Variants in GUCA1C observed in about 807,000 individuals in gnomAD.
GUCA1C encodes the protein guanylate cyclase activator 1C.
GUCA1C carries 15 observed loss-of-function variants against 16.2 expected under a neutral mutation model. That is an observed-to-expected ratio of 0.93 (90% CI 0.62 to 1.43). The LOEUF is 1.43. Among genes scored for constraint, GUCA1C ranks in the 40% most tolerant of loss-of-function variants. The pLI is 0.00. For missense variants in GUCA1C, 275 were observed against 244.8 expected, an observed-to-expected ratio of 1.12 and a Z score of -0.82; for synonymous variants, 78 against 85.4, an observed-to-expected ratio of 0.91 and a Z score of 0.48.
At chr3:108,926,569 C>A (rs1418311406) in intron 1 of GUCA1C, among the ~76,000 whole-genome samples, 1 of 152,220 alleles carries the variant, frequency 6.6e-6, no homozygotes, top group African/African-American at 2.4e-5. Flanking sequence ...AAAGCTCTGC[C>A]TCCCGGGTTC....
At chr3:108,908,795 C>T (rs75348239) in intron 3 of GUCA1C, among the ~76,000 whole-genome samples, 5,259 of 152,268 alleles carry the variant, frequency 0.035, 300 homozygotes, top group African/African-American at 0.12. Flanking sequence ...GTAAATTTAT[C>T]GCCTTATATC....
intron 1 of GUCA1C, among the ~76,000 whole-genome samples, chr3:108,943,671 G>A (rs1331111354): frequency 6.6e-6 from 1 of 152,056 alleles, no homozygotes; most frequent in Non-Finnish European, 1.5e-5. Context: ...TATAAATTTA[G>A]TAGAAAACTA....
chr3:108,922,437 C>T (rs1946578560), intron 1 of GUCA1C, among the ~76,000 whole-genome samples: 1 of 152,138 alleles, frequency 6.6e-6, no homozygotes. Context: ...AGTAGTTGTA[C>T]TAGTTTACAT....
At chr3:108,935,327 C>A (rs1356202504) in intron 1 of GUCA1C, among the ~76,000 whole-genome samples, 4 of 151,556 alleles carry the variant, frequency 2.6e-5, no homozygotes, top group African/African-American at 7.3e-5. Context: ...AACCTGTACT[C>A]CTGAATTTAA....
At chr3:108,927,216 T>A (rs143684667) in intron 1 of GUCA1C, among the ~76,000 whole-genome samples, 2 of 152,194 alleles carry the variant, frequency 1.3e-5, no homozygotes, top group Non-Finnish European at 2.9e-5. Context: ...TAGGCAATGA[T>A]CTTTTTGTGA....
At position 108,953,709 on chromosome 3, in the gene GUCA1C, C is replaced by G. The variant is rs201708660; in HGVS notation, c.54G>C (p.Glu18Asp). Residue 18 changes from glutamate to aspartate, a missense_variant, in exon 1 of 4, where the codon GAG becomes GAC. Transcript: ENST00000261047. ...TAAATGTTCTGTACCACACATGGGTCTCTTGTGTAGGAACTGCTTTCTGAT... is the reference window on the plus strand; with the variant it reads ...TAAATGTTCTGTACCACACATGGGTGTCTTGTGTAGGAACTGCTTTCTGAT... ...AGDQKAVPTQ[E>D]THVWYRTFMM... The G allele has an allele frequency of 1.7e-5, 28 of 1,613,306 alleles. No homozygotes were observed. Among genetic ancestry groups the G allele is most frequent in the Non-Finnish European group, 2.2e-5 (26 of 1,179,414 alleles).
intron 2 of GUCA1C, among the ~76,000 whole-genome samples, chr3:108,918,659 CT>C (rs1212987605): frequency 1.3e-5 from 2 of 152,160 alleles, no homozygotes; most frequent in African/African-American, 4.8e-5. Flanking sequence ...TAACTATCTC[CT>C]TTGTAGAGCC....
At chr3:108,948,310 C>T (rs545895501) in intron 1 of GUCA1C, among the ~76,000 whole-genome samples, 1 of 152,220 alleles carries the variant, frequency 6.6e-6, no homozygotes, top group South Asian at 2.1e-4. Flanking sequence ...AGCACTTTCC[C>T]CTTCGCCCTC....
chr3:108,953,568 G>A lies in GUCA1C; in HGVS notation c.195C>T (p.Asp65=), dbSNP rs1378168957. The change falls in exon 1 of 4, where the codon GAC becomes GAT. Residue 65 remains aspartate (D), a synonymous_variant. Transcript: ENST00000261047. The part of the protein sequence containing the change: ...KHIDQVYNTF[D]TNKDGFVDFL... The stretch of plus-strand genomic sequence containing the variant: ...AAATGAAAGATCTTACCTTGTTCGT[G>A]TCAAAGGTATTATAAACTTGATCAA... The A allele has an allele frequency of 6.3e-7, 1 of 1,595,226 alleles. No homozygotes were observed. The highest frequency in any genetic ancestry group is 1.1e-5 in the South Asian group (1 of 90,626).
intron 1 of GUCA1C, among the ~76,000 whole-genome samples, chr3:108,932,011 C>T (rs1412945098): frequency 1.3e-5 from 2 of 151,730 alleles, no homozygotes; most frequent in Non-Finnish European, 2.9e-5. Context: ...CCACCACGCC[C>T]AGGTAATTTT....
chr3:108,916,129 T>G lies in GUCA1C; in HGVS notation c.440A>C (p.Asp147Ala), dbSNP rs1464624300. 8 of 1,611,788 alleles carry G rather than the reference T, an allele frequency of 5.0e-6. No individual in the cohort carries two copies. The East Asian group carries it at 1.8e-4, about 36-fold the overall frequency. Residue 147 changes from aspartate (D) to alanine (A), a missense_variant and splice_region_variant, in exon 3 of 4, where the codon GAT becomes GCT. Asp to Ala is a moderately radical substitution (Grantham distance 126). Coordinates refer to ENST00000261047, the MANE Select transcript of GUCA1C (RefSeq NM_005459.4). ...LVFHKIDINN[D>A]GELTLEEFIN... ...CCAGTAGAGAGTAGCTCCATTACCATCATTGTTTATATCGATCTTATGGAA... is the reference window on the plus strand; with the variant it reads ...CCAGTAGAGAGTAGCTCCATTACCAGCATTGTTTATATCGATCTTATGGAA...
intron 1 of GUCA1C, 28 bp from the exon 2 acceptor site, chr3:108,920,613 T>G (rs1323489070): frequency 7.9e-6 from 10 of 1,269,036 alleles, no homozygotes; most frequent in Non-Finnish European, 1.1e-5. Flanking sequence ...AAAAGAGAAA[T>G]AAATATTTAA....
intron 2 of GUCA1C, among the ~76,000 whole-genome samples, chr3:108,919,635 GT>G (rs1382125115): frequency 6.6e-6 from 1 of 152,060 alleles, no homozygotes; most frequent in African/African-American, 2.4e-5. Context: ...TTGTTGAGAA[GT>G]TTAATTATAA....
In GUCA1C at chr3:108,934,708, CT is replaced by C. The variant is rs572649167; in HGVS notation, c.205-14124del. Among the ~76,000 whole-genome samples, 17 of 151,120 alleles carry C rather than the reference CT, an allele frequency of 1.1e-4. No individual in the cohort carries two copies. In the South Asian group the frequency reaches 3.4e-3, roughly 30 times the overall value. ...GCCGAAAAACAGAACAAAATCATGT[CT>C]TTTGCAGCAACATGGATGAAGCTGG... On this transcript the variant is annotated intron_variant, in intron 1 of 3. Transcript: ENST00000261047.
chr3:108,912,258 T>C lies in GUCA1C; in HGVS notation c.442+3869A>G, dbSNP rs148652260. On this transcript the variant is annotated intron_variant, in intron 3 of 3. Transcript: ENST00000261047. ...CCGAGGCACTTTCTGCACTTGATGT[T>C]GTGAACACCTATAAATCTCCCTAAA... 5.5e-3 allele frequency among the ~76,000 whole-genome samples: 841 copies of C among 152,022 alleles called. 6 individuals carry two copies. The highest frequency in any genetic ancestry group is 0.019 in the African/African-American group (800 of 41,458).
intron 3 of GUCA1C, among the ~76,000 whole-genome samples, chr3:108,912,117 A>ATAATAATAATAATAATAATAATAG (rs1334009186): frequency 6.8e-6 from 1 of 148,042 alleles, no homozygotes. Flanking sequence ...AATAATAATA[A>ATAATAATAATAATAATAATAATAG]TAATAATCAC....
chr3:108,916,743 T>A (rs1249381727), intron 2 of GUCA1C, among the ~76,000 whole-genome samples: 3 of 152,152 alleles, frequency 2.0e-5, no homozygotes, highest in African/African-American at 7.2e-5. Context: ...TTCTCCCACA[T>A]ACTGTCAGGG....
intron 1 of GUCA1C, among the ~76,000 whole-genome samples, chr3:108,939,324 CT>C (rs549981150): frequency 0.014 from 465 of 32,836 alleles, 1 homozygote; most frequent in African/African-American, 0.034. Flanking sequence ...TGCTTCAAGG[CT>C]TTTTTTTTTT....
chr3:108,943,235 A>AG (rs991106547), intron 1 of GUCA1C, among the ~76,000 whole-genome samples: 4 of 151,768 alleles, frequency 2.6e-5, no homozygotes, highest in Admixed American at 6.6e-5. Flanking sequence ...ATCGAGGGGG[A>AG]GTGGGGGCGC....
Sources: allele counts gnomAD v4.1 joint callset (sites outside exome capture counted in the v4.1 genomes callset), GRCh38; gene constraint gnomAD v4.1.1; transcripts MANE v1.5; gene names NCBI Gene and HGNC (gene_info 2026-07-23, HGNC 2026-07-21).